Variants in SMYD3 observed in about 807,000 individuals in gnomAD.
SMYD3 encodes the protein histone-lysine N-methyltransferase SMYD3.
Under a neutral mutation model 57.7 loss-of-function variants are expected in SMYD3, and 36 were observed. That is an observed-to-expected ratio of 0.62 (90% CI 0.48 to 0.82). The LOEUF (loss-of-function observed/expected upper bound fraction) is 0.82. Among genes scored for constraint, SMYD3 ranks in the 40% least tolerant of loss-of-function variants. The pLI, the probability that SMYD3 is intolerant of heterozygous loss-of-function variation, is 0.00. For synonymous variants in SMYD3, 211 were observed against 195.0 expected (o/e 1.08, Z -0.68); for missense variants, 515 against 538.8 (o/e 0.96, Z 0.44).
chr1:246,482,587 A>G (rs1395901989), intron 1 of SMYD3, among the ~76,000 whole-genome samples: 4 of 152,176 alleles, frequency 2.6e-5, no homozygotes, highest in Admixed American at 6.5e-5. Flanking sequence ...GCTCTCACTC[A>G]GAGGTGCCAG....
At chr1:246,493,207 A>C (rs540035012) in intron 1 of SMYD3, among the ~76,000 whole-genome samples, 1 of 138,352 alleles carries the variant, frequency 7.2e-6, no homozygotes, top group African/African-American at 2.6e-5. Context: ...AGTCCTAGCT[A>C]CTGGGGGGGA....
chr1:246,363,991 A>G (rs1038724621), intron 1 of SMYD3, among the ~76,000 whole-genome samples: 2 of 152,234 alleles, frequency 1.3e-5, no homozygotes, highest in Non-Finnish European at 2.9e-5. Flanking sequence ...AGAGAAGTCA[A>G]TGTGGTGCTG....
At chr1:246,348,060 T>TCATATATATATA (rs1173574600) in intron 2 of SMYD3, among the ~76,000 whole-genome samples, 8,200 of 83,056 alleles carry the variant, frequency 0.099, 943 homozygotes, top group Admixed American at 0.26. Flanking sequence ...AAAGAAAACG[T>TCATATATATATA]TATATATATA....
At chr1:246,471,905 C>A (rs2067965983) in intron 1 of SMYD3, among the ~76,000 whole-genome samples, 1 of 152,068 alleles carries the variant, frequency 6.6e-6, no homozygotes, top group Admixed American at 6.5e-5. Context: ...GGAAGCACAA[C>A]CCAAATATAG....
At chr1:246,138,469 A>G (rs915278838) in intron 5 of SMYD3, among the ~76,000 whole-genome samples, 1 of 141,592 alleles carries the variant, frequency 7.1e-6, no homozygotes, top group Admixed American at 7.3e-5. Context: ...TCTGTCGCCC[A>G]GGCTGGAGTG....
chr1:246,159,821 G>A (rs566221563), intron 5 of SMYD3, among the ~76,000 whole-genome samples: 1 of 151,966 alleles, frequency 6.6e-6, no homozygotes, highest in Non-Finnish European at 1.5e-5. Context: ...GGAGTGGGGG[G>A]AGTACTTTTT....
intron 5 of SMYD3, among the ~76,000 whole-genome samples, chr1:245,978,993 T>C (rs984958640): frequency 1.8e-4 from 27 of 152,164 alleles, no homozygotes; most frequent in African/African-American, 6.3e-4. Flanking sequence ...GCTAAAAGCA[T>C]GTGACTACTA....
rs892938795 is a variant in SMYD3 at position 245,780,479 on chromosome 1, T to C, written c.1077-16330A>G. Among the ~76,000 whole-genome samples the C allele has an allele frequency of 1.1e-4, 16 of 152,126 alleles. 1 individual carries two copies. Among genetic ancestry groups the C allele is most frequent in the Admixed American group, 9.2e-4 (14 of 15,278 alleles). On this transcript the variant is annotated intron_variant, in intron 10 of 11. Coordinates refer to ENST00000490107, the MANE Select transcript of SMYD3 (RefSeq NM_001167740.2). ...GAAATGGTATATGACAAATCCCGAA[T>C]AGGCAAATCCACAGAGACACAAACT...
chr1:246,203,954 GA>G lies in SMYD3; in HGVS notation c.531+123246del. On this transcript the variant is annotated intron_variant, in intron 5 of 11. Transcript: ENST00000490107. This position sits in a 1 kb window ranked among gnomAD's most constrained non-coding sequence, Gnocchi z 4.6. ...ACTAGAAGTCTCAAACTCAAATATAGAGGAGCCAGGAGAATCCTAAGTGGAC... is the reference window on the plus strand; with the variant it reads ...ACTAGAAGTCTCAAACTCAAATATAGGGAGCCAGGAGAATCCTAAGTGGAC... 6.6e-6 allele frequency among the ~76,000 whole-genome samples: 1 copy of G among 152,228 alleles called. No homozygotes were observed. The highest frequency in any genetic ancestry group is 2.4e-5 in the African/African-American group (1 of 41,542).
intron 5 of SMYD3, among the ~76,000 whole-genome samples, chr1:246,198,235 A>G (rs10924540): frequency 3.3e-4 from 51 of 152,288 alleles, no homozygotes; most frequent in African/African-American, 1.2e-3. Flanking sequence ...CAGGGACTAA[A>G]CCTGGGGCAA....
chr1:245,933,899 G>A (rs1022568720), intron 5 of SMYD3, among the ~76,000 whole-genome samples: 2 of 152,148 alleles, frequency 1.3e-5, no homozygotes, highest in Admixed American at 1.3e-4. Flanking sequence ...ACCAATCAGA[G>A]CTGAGTAATT....
chr1:246,236,834 G>A (rs1435749562), intron 5 of SMYD3, among the ~76,000 whole-genome samples: 1 of 152,126 alleles, frequency 6.6e-6, no homozygotes, highest in Non-Finnish European at 1.5e-5. Flanking sequence ...AAAGGTTAAA[G>A]TAGCTTGAAA....
chr1:245,930,358 T>C, intron 5 of SMYD3: 1 of 348,474 alleles, frequency 2.9e-6, no homozygotes, highest in Non-Finnish European at 5.6e-6. Flanking sequence ...TGTGTATCTG[T>C]TCAGTGATAG....
intron 2 of SMYD3, among the ~76,000 whole-genome samples, chr1:246,344,722 C>T (rs1456632945): frequency 1.3e-5 from 2 of 152,202 alleles, no homozygotes; most frequent in African/African-American, 4.8e-5. Flanking sequence ...TGCTCCATCA[C>T]CTTGCCAGCA....
intron 10 of SMYD3, among the ~76,000 whole-genome samples, chr1:245,815,581 A>T (rs2048760006): frequency 6.6e-6 from 1 of 152,232 alleles, no homozygotes; most frequent in Admixed American, 6.5e-5. Flanking sequence ...AAGTACACAG[A>T]TCCCAGTTAT....
intron 5 of SMYD3, among the ~76,000 whole-genome samples, chr1:246,026,577 T>C (rs1277540048): frequency 6.6e-6 from 1 of 152,242 alleles, no homozygotes; most frequent in Non-Finnish European, 1.5e-5. Flanking sequence ...CACTGTTCTA[T>C]CTGTGATGCT....
At chr1:245,958,768 C>T (rs1296861275) in intron 5 of SMYD3, among the ~76,000 whole-genome samples, 2 of 152,150 alleles carry the variant, frequency 1.3e-5, no homozygotes, top group African/African-American at 4.8e-5. Context: ...GTGCTCCAGA[C>T]CCCAAATAGA....
intron 1 of SMYD3, among the ~76,000 whole-genome samples, chr1:246,392,961 G>T (rs2066596808): frequency 6.6e-6 from 1 of 152,012 alleles, no homozygotes. Context: ...ACACTAGAAG[G>T]CTGTAGTTTA....
At chr1:246,234,625 T>TATACCGTATAGGGGAGAAGCACTCC (rs1558336810) in intron 5 of SMYD3, among the ~76,000 whole-genome samples, 1 of 88,480 alleles carries the variant, frequency 1.1e-5, no homozygotes, top group Non-Finnish European at 2.2e-5. Flanking sequence ...GTGATGGCTA[T>TATACCGTATAGGGGAGAAGCACTCC]TGGCCTATCC....
Sources: gnomAD v4.1 joint callset for allele counts (sites outside exome capture counted in the v4.1 genomes callset) on GRCh38, gnomAD v4.1.1 for gene constraint, Gnocchi (gnomAD v3.1) non-coding constraint, MANE v1.5 for transcripts, NCBI Gene and HGNC (gene_info 2026-07-23, HGNC 2026-07-21) for gene names.